KDM2B: variants seen among roughly 807,000 people sequenced by gnomAD.
KDM2B encodes the protein lysine-specific demethylase 2B.
Under a neutral mutation model 150.0 loss-of-function variants are expected in KDM2B, and 26 were observed. The observed-to-expected ratio is 0.17, with a 90% CI of 0.13 to 0.24. The LOEUF (loss-of-function observed/expected upper bound fraction) is 0.24, where lower values mean the gene tolerates loss of function less well. KDM2B is among the 10% of genes least tolerant of loss of function. The pLI, the probability that KDM2B is intolerant of heterozygous loss-of-function variation, is 1.00. For synonymous variants in KDM2B, 734 were observed against 729.5 expected (o/e 1.01, Z -0.10); for missense variants, 1,265 against 1,816.9 (o/e 0.70, Z 5.52).
At chr12:121,447,720 G>A (rs1241186477) in intron 13 of KDM2B, among the ~76,000 whole-genome samples, 2 of 151,818 alleles carry the variant, frequency 1.3e-5, no homozygotes, top group Admixed American at 1.3e-4. Flanking sequence ...CTGGAGTGCA[G>A]TGACATGATC....
At position 121,513,194 on chromosome 12, in the gene KDM2B, G is replaced by C; in HGVS notation, c.1174+82C>G. ...ATTCAACGAATCCCCAAAACTCAGGGAGTGTCTCCAGGCCCCACTGAGAAA... is the reference window on the plus strand; with the variant it reads ...ATTCAACGAATCCCCAAAACTCAGGCAGTGTCTCCAGGCCCCACTGAGAAA... On this transcript the variant is annotated intron_variant, in intron 10 of 22. Transcript: ENST00000377071. The surrounding 1 kb of genome is among the most constrained non-coding windows in gnomAD (Gnocchi z 5.0). 1 of 1,507,810 alleles carries C rather than the reference G, an allele frequency of 6.6e-7. No homozygotes were observed. Among genetic ancestry groups the C allele is most frequent in the Non-Finnish European group, 9.1e-7 (1 of 1,095,376 alleles). The allele number at this position is 1,507,810 out of a possible 1,614,324, so 93.4% of individuals were successfully genotyped here. A position where few individuals can be genotyped will look rare whatever the true frequency, so the allele number is the denominator to read the frequency against.
At chr12:121,497,156 C>A (rs533042197) in intron 11 of KDM2B, among the ~76,000 whole-genome samples, 1 of 152,082 alleles carries the variant, frequency 6.6e-6, no homozygotes, top group Non-Finnish European at 1.5e-5. Flanking sequence ...ATCCCAGCCC[C>A]GGCACATACA....
intron 12 of KDM2B, among the ~76,000 whole-genome samples, chr12:121,485,802 A>C (rs1421235491): frequency 2.0e-5 from 3 of 150,988 alleles, no homozygotes; most frequent in Non-Finnish European, 2.9e-5. Flanking sequence ...TTTGAGATGG[A>C]GTCTTGCTTT....
At chr12:121,532,997 G>A (rs1555308100) in intron 7 of KDM2B, 38 bp from the exon 8 acceptor site, 1 of 1,611,750 alleles carries the variant, frequency 6.2e-7, no homozygotes, top group South Asian at 1.1e-5. Context: ...GGAGACCCAG[G>A]CCCAGACAAG....
Position 121,452,336 on chromosome 12 carries a change from A to C in KDM2B, c.1959+784T>G, listed in dbSNP as rs1877424718. 6.6e-6 allele frequency among the ~76,000 whole-genome samples: 1 copy of C among 152,244 alleles called. No individual in the cohort carries two copies. The highest frequency in any genetic ancestry group is 6.5e-5 in the Admixed American group (1 of 15,292). On this transcript the variant is annotated intron_variant, in intron 13 of 22. Coordinates refer to ENST00000377071, the MANE Select transcript of KDM2B (RefSeq NM_032590.5). The surrounding 1 kb of genome is among the most constrained non-coding windows in gnomAD (Gnocchi z 4.4). ...AAACACAAGAAATATGCGTGGAAGG[A>C]GATGGCTGAGGTGTCTGGGCCTGCG...
At chr12:121,441,280 C>G (rs1413900940) in intron 19 of KDM2B, 47 bp from the exon 20 acceptor site, 9 of 1,576,504 alleles carry the variant, frequency 5.7e-6, no homozygotes, top group African/African-American at 1.4e-5. Context: ...TGGGGCTCCT[C>G]TAGGGAGCCC....
rs962046181 is a variant in KDM2B at position 121,430,870 on chromosome 12, G to A, written c.3830-401C>T. Among the ~76,000 whole-genome samples the A allele has an allele frequency of 6.6e-6, 1 of 152,148 alleles. No homozygotes were observed. The highest frequency in any genetic ancestry group is 2.4e-5 in the African/African-American group (1 of 41,426). ...AGTACTGCTCTATGTCTATTACTGT[G>A]CATTTATTTGCCTCCTCCCTTCAGA... On this transcript the variant is annotated intron_variant, in intron 22 of 22. Coordinates refer to ENST00000377071, the MANE Select transcript of KDM2B (RefSeq NM_032590.5). This position sits in a 1 kb window ranked among gnomAD's most constrained non-coding sequence, Gnocchi z 4.4.
Position 121,520,936 on chromosome 12 carries a change from G to C in KDM2B, c.1047+49C>G, listed in dbSNP as rs1886630057. 1 of 1,426,664 alleles carries C rather than the reference G, an allele frequency of 7.0e-7. No homozygotes were observed. The highest frequency in any genetic ancestry group is 9.9e-7 in the Non-Finnish European group (1 of 1,012,450). The allele number at this position is 1,426,664 out of a possible 1,614,324, so 88.4% of individuals were successfully genotyped here. A position where few individuals can be genotyped will look rare whatever the true frequency, so the allele number is the denominator to read the frequency against. On this transcript the variant is annotated intron_variant, in intron 9 of 22. Transcript: ENST00000377071. The surrounding 1 kb of genome is among the most constrained non-coding windows in gnomAD (Gnocchi z 4.5). ...CTGTCCCACACACCGAGCACCGGCA[G>C]AGCTCAGGGGCCAGGCGCGCACGCG...
chr12:121,534,486 C>T lies in KDM2B; in HGVS notation c.777+11G>A, dbSNP rs199521078. On this transcript the variant is annotated intron_variant, in intron 7 of 22. Coordinates refer to ENST00000377071, the MANE Select transcript of KDM2B (RefSeq NM_032590.5). ...GAGATGCATAGAAAGTTAAAGGCAA[C>T]TGAAACTCACCTTCCCACCCCGGAA... The T allele has an allele frequency of 4.2e-5, 68 of 1,607,924 alleles. No individual in the cohort carries two copies. The highest frequency in any genetic ancestry group is 5.7e-5 in the Non-Finnish European group (67 of 1,174,502).
chr12:121,465,949 C>T (rs1213166445), intron 12 of KDM2B, among the ~76,000 whole-genome samples: 3 of 152,200 alleles, frequency 2.0e-5, no homozygotes, highest in Admixed American at 1.3e-4. Flanking sequence ...TGAATCGTCC[C>T]TGGGTTAATC....
intron 12 of KDM2B, among the ~76,000 whole-genome samples, chr12:121,457,309 C>T (rs141828877): frequency 0.023 from 3,496 of 151,786 alleles, 127 homozygotes; most frequent in African/African-American, 0.077. Context: ...TCACCCAGGC[C>T]GGAGTGCAGT....
intron 12 of KDM2B, among the ~76,000 whole-genome samples, chr12:121,481,431 C>G (rs1566319958): frequency 6.6e-6 from 1 of 151,854 alleles, no homozygotes; most frequent in Non-Finnish European, 1.5e-5. Context: ...CAACCTTGTC[C>G]CTTTTTCAAT....
intron 4 of KDM2B, among the ~76,000 whole-genome samples, chr12:121,553,985 G>GC (rs1417387676): frequency 1.1e-4 from 16 of 151,160 alleles, no homozygotes; most frequent in Non-Finnish European, 2.1e-4. Context: ...GGAGCGCTGG[G>GC]CCCTAGAAGT....
chr12:121,494,999 C>CT (rs71079074), intron 11 of KDM2B, among the ~76,000 whole-genome samples: 8,088 of 138,548 alleles, frequency 0.058, 533 homozygotes, highest in African/African-American at 0.16. Context: ...CAAACTTTTT[C>CT]TTTTTTTTTT....
At chr12:121,421,787 G>C in the KDM2B span, among the ~76,000 whole-genome samples, 32 of 152,276 alleles carry the variant, frequency 2.1e-4, no homozygotes, top group Middle Eastern at 3.4e-3. Flanking sequence ...CACCATGCCT[G>C]ACCCTCAGTG....
intron 4 of KDM2B, among the ~76,000 whole-genome samples, chr12:121,564,803 C>T (rs568223283): frequency 6.7e-6 from 1 of 148,924 alleles, no homozygotes; most frequent in South Asian, 2.1e-4. Flanking sequence ...GGTCACAAGA[C>T]AAGGCAATCT....
intron 9 of KDM2B, chr12:121,516,323 G>C (rs1886188692): frequency 2.5e-6 from 1 of 397,716 alleles, no homozygotes; most frequent in South Asian, 2.2e-5. Flanking sequence ...GGAAAGATAA[G>C]TCTCCCTTCT....
intron 12 of KDM2B, among the ~76,000 whole-genome samples, chr12:121,463,255 G>A (rs1187146985): frequency 6.6e-6 from 1 of 151,908 alleles, no homozygotes; most frequent in African/African-American, 2.4e-5. Context: ...AGCAGAGATT[G>A]CAGTGAGCTG....
At chr12:121,446,158 G>A (rs1370651232) in intron 13 of KDM2B, among the ~76,000 whole-genome samples, 1 of 152,210 alleles carries the variant, frequency 6.6e-6, no homozygotes, top group Non-Finnish European at 1.5e-5. Flanking sequence ...CACTTTGGGA[G>A]GCCAAGGCGG....
Sources: gnomAD v4.1 joint callset for allele counts (sites outside exome capture counted in the v4.1 genomes callset) on GRCh38, gnomAD v4.1.1 for gene constraint, Gnocchi (gnomAD v3.1) non-coding constraint, MANE v1.5 for transcripts, NCBI Gene and HGNC (gene_info 2026-07-23, HGNC 2026-07-21) for gene names.